The following PCDH17 variants were observed in gnomAD, a reference collection of about 807,000 sequenced individuals.
The protein encoded by PCDH17 is protocadherin-17.
In PCDH17, 21 loss-of-function variants were observed where a neutral mutation model predicts 67.7. The ratio of observed to expected loss-of-function variants is 0.31; its 90% CI spans 0.22 to 0.45. The LOEUF is 0.45. Ranked by LOEUF, PCDH17 falls within the 20% of genes least tolerant of loss-of-function variation. PCDH17 has a pLI of 1.00. For synonymous variants in PCDH17, 701 were observed against 656.7 expected, an observed-to-expected ratio of 1.07 and a Z score of -1.03; for missense variants, 1,471 against 1,564.8, an observed-to-expected ratio of 0.94 and a Z score of 1.01.
Position 57,634,619 on chromosome 13 carries a change from G to T in PCDH17, c.2073G>T (p.Gly691=). 6.2e-7 allele frequency: 1 copy of T among 1,613,390 alleles called. No individual in the cohort carries two copies. Among genetic ancestry groups the T allele is most frequent in the Non-Finnish European group, 8.5e-7 (1 of 1,180,004 alleles). ...CGGTGAGCGGATCCCTTCCCGAGGG[G>T]GTACCACGGGTGAATGGCGAGCAGC... The part of the protein sequence containing the change: ...IRSVSGSLPE[G]VPRVNGEQHH... Residue 691 remains glycine, a synonymous_variant, in exon 1 of 4, where the codon GGG becomes GGT. Transcript: ENST00000377918. This position sits in a 1 kb window ranked among gnomAD's most constrained non-coding sequence, Gnocchi z 7.8.
intron 3 of PCDH17, among the ~76,000 whole-genome samples, chr13:57,672,545 A>G (rs755383550): frequency 6.6e-6 from 1 of 152,032 alleles, no homozygotes; most frequent in Admixed American, 6.6e-5. Flanking sequence ...TAAGAAAGCT[A>G]TAGCAAGGAA....
rs1158049419 is a variant in PCDH17 at position 57,634,335 on chromosome 13, G to A, written c.1789G>A (p.Val597Met). The A allele has an allele frequency of 6.2e-7, 1 of 1,612,806 alleles. No homozygotes were observed. The highest frequency in any genetic ancestry group is 8.5e-7 in the Non-Finnish European group (1 of 1,180,008). The part of the protein sequence containing the change: ...TLQNDTAELQ[V>M]PRNAGLGYLV... ...GCAGAACGACACCGCGGAGCTGCAGGTGCCGCGCAACGCTGGCCTGGGCTA... is the reference window on the plus strand; with the variant it reads ...GCAGAACGACACCGCGGAGCTGCAGATGCCGCGCAACGCTGGCCTGGGCTA... Residue 597 changes from valine to methionine, a missense_variant, in exon 1 of 4, where the codon GTG becomes ATG. Physicochemically the swap from Val to Met is conservative, Grantham distance 21. This residue lies in a region of PCDH17 where 1,163 missense variants were observed against 1,230.0 expected (regional missense o/e 0.95). Transcript: ENST00000377918. The surrounding 1 kb of genome is among the most constrained non-coding windows in gnomAD (Gnocchi z 7.8).
At chr13:57,684,860 T>C (rs1955491527) in intron 3 of PCDH17, among the ~76,000 whole-genome samples, 1 of 152,018 alleles carries the variant, frequency 6.6e-6, no homozygotes, top group Non-Finnish European at 1.5e-5. Context: ...GCTTGATACA[T>C]GTATTAGTGC....
chr13:57,647,479 A>G (rs1231726638), intron 1 of PCDH17, among the ~76,000 whole-genome samples: 5 of 151,752 alleles, frequency 3.3e-5, no homozygotes. Context: ...TCAAATAAAT[A>G]TGTTGATAAG....
chr13:57,652,240 T>C (rs1955050882), intron 1 of PCDH17, among the ~76,000 whole-genome samples: 1 of 138,936 alleles, frequency 7.2e-6, no homozygotes, highest in Non-Finnish European at 1.5e-5. Context: ...ATTGCGCCAC[T>C]GCAGTCCGCA....
chr13:57,697,113 T>G (rs1955617887), intron 3 of PCDH17, among the ~76,000 whole-genome samples: 1 of 151,660 alleles, frequency 6.6e-6, no homozygotes, highest in East Asian at 1.9e-4. Context: ...TTGGGGCACC[T>G]GCTTCAGTTT....
chr13:57,670,842 T>A (rs886144741), intron 3 of PCDH17, among the ~76,000 whole-genome samples: 4 of 151,946 alleles, frequency 2.6e-5, no homozygotes, highest in Non-Finnish European at 4.4e-5. Context: ...GTATTTTTGC[T>A]ACCATTAGTT....
chr13:57,664,979 A>G (rs1295455866), intron 1 of PCDH17, among the ~76,000 whole-genome samples: 2 of 152,206 alleles, frequency 1.3e-5, no homozygotes, highest in Admixed American at 6.5e-5. Context: ...ATATATAAAT[A>G]GAAAGTGTCT....
chr13:57,680,938 C>T (rs1307426899), intron 3 of PCDH17, among the ~76,000 whole-genome samples: 1 of 151,442 alleles, frequency 6.6e-6, no homozygotes, highest in Non-Finnish European at 1.5e-5. Flanking sequence ...ATACAACAAA[C>T]CATATGAAGT....
chr13:57,700,402 A>T (rs4417448), intron 3 of PCDH17, among the ~76,000 whole-genome samples: 123,383 of 150,754 alleles, frequency 0.82, 50,949 homozygotes, highest in African/African-American at 0.94. Context: ...CACTGCAACC[A>T]CTGCCTCCCG....
intron 3 of PCDH17, among the ~76,000 whole-genome samples, chr13:57,685,332 C>T (rs184980675): frequency 2.6e-5 from 4 of 151,982 alleles, no homozygotes; most frequent in African/African-American, 9.6e-5. Flanking sequence ...ACATATAAAG[C>T]ATTACTGATT....
intron 3 of PCDH17, among the ~76,000 whole-genome samples, chr13:57,719,851 C>G (rs1472043173): frequency 6.6e-6 from 1 of 151,944 alleles, no homozygotes; most frequent in African/African-American, 2.4e-5. Context: ...AACTGAGGCA[C>G]TTAGTCTTTG....
chr13:57,662,196 A>C (rs2138017650), intron 1 of PCDH17, among the ~76,000 whole-genome samples: 1 of 152,206 alleles, frequency 6.6e-6, no homozygotes, highest in African/African-American at 2.4e-5. Context: ...AGAGTAGTGT[A>C]ATTTCTTCAG....
upstream of PCDH17, among the ~76,000 whole-genome samples, chr13:57,631,406 A>G (rs1008361489): frequency 2.0e-5 from 3 of 152,094 alleles, no homozygotes; most frequent in Non-Finnish European, 2.9e-5. Flanking sequence ...CTCCTCCTTT[A>G]AATGTGCACG....
chr13:57,682,175 C>A (rs1955457627), intron 3 of PCDH17, among the ~76,000 whole-genome samples: 1 of 151,784 alleles, frequency 6.6e-6, no homozygotes, highest in Non-Finnish European at 1.5e-5. Flanking sequence ...TATACTCCTA[C>A]AATTTACCTA....
At chr13:57,704,452 T>C (rs1372334266) in intron 3 of PCDH17, among the ~76,000 whole-genome samples, 1 of 151,940 alleles carries the variant, frequency 6.6e-6, no homozygotes, top group African/African-American at 2.4e-5. Context: ...AATCTAATTT[T>C]GCATTATATT....
At position 57,635,019 on chromosome 13, in the gene PCDH17, G is replaced by T; in HGVS notation, c.2473G>T (p.Val825Phe). The T allele has an allele frequency of 6.2e-7, 1 of 1,613,474 alleles. No individual in the cohort carries two copies. Among genetic ancestry groups the T allele is most frequent in the South Asian group, 1.1e-5 (1 of 91,070 alleles). ...YLKPASNNLT[V>F]PQGHAGCHTS... ...CAAACCGGCCTCCAACAACCTGACT[G>T]TCCCTCAGGGGCACGCGGGCTGCCA... is the stretch of plus-strand genomic sequence containing the variant. The change falls in exon 1 of 4, where the codon GTC (valine) becomes TTC (phenylalanine). Residue 825 changes from valine to phenylalanine, a missense_variant. Physicochemically the swap from Val to Phe is conservative, Grantham distance 50. Coordinates refer to ENST00000377918, the MANE Select transcript of PCDH17 (RefSeq NM_001040429.3).
chr13:57,634,201 T>C lies in PCDH17; in HGVS notation c.1655T>C (p.Val552Ala). 1 of 1,613,378 alleles carries C rather than the reference T, an allele frequency of 6.2e-7. No individual in the cohort carries two copies. The highest frequency in any genetic ancestry group is 1.1e-5 in the South Asian group (1 of 91,070). The change falls in exon 1 of 4, where the codon GTG (valine) becomes GCG (alanine). Residue 552 changes from valine to alanine, a missense_variant. Physicochemically the swap from Val to Ala is moderately conservative, Grantham distance 64 (BLOSUM62 0). Transcript: ENST00000377918. The surrounding 1 kb of genome is among the most constrained non-coding windows in gnomAD (Gnocchi z 7.8). ...CAGACCAAGGCTTTTGAGTTCAAGG[T>C]GCTTGCTAAGGACTCGGGGGCGCCC... Reference protein sequence around the residue: ...FEQTKAFEFKVLAKDSGAPAH... With the variant: ...FEQTKAFEFKALAKDSGAPAH...
chr13:57,708,156 A>G (rs570048671), intron 3 of PCDH17, among the ~76,000 whole-genome samples: 54 of 152,184 alleles, frequency 3.5e-4, no homozygotes, highest in South Asian at 2.9e-3. Flanking sequence ...TATCTAAAAT[A>G]CATTAGATAT....
Sources: allele counts gnomAD v4.1 joint callset (sites outside exome capture counted in the v4.1 genomes callset), GRCh38; gene constraint gnomAD v4.1.1; regional missense constraint gnomAD v4.1.1; non-coding constraint Gnocchi (gnomAD v3.1); transcripts MANE v1.5; gene names NCBI Gene and HGNC (gene_info 2026-07-23, HGNC 2026-07-21).